Variants in PITPNM2 observed in about 807,000 individuals in gnomAD.
PITPNM2 encodes the protein phosphatidylinositol transfer protein membrane associated 2.
Under a neutral mutation model 132.2 loss-of-function variants are expected in PITPNM2, and 35 were observed. That is an observed-to-expected ratio of 0.26 (90% CI 0.20 to 0.35). The LOEUF (loss-of-function observed/expected upper bound fraction) is 0.35. Among genes scored for constraint, PITPNM2 ranks in the 10% least tolerant of loss-of-function variants. PITPNM2 has a pLI of 1.00. For missense variants in PITPNM2, 1,332 were observed against 1,912.0 expected (o/e 0.70, Z 5.66); for synonymous variants, 738 against 799.2 (o/e 0.92, Z 1.29).
chr12:123,097,839 G>A lies in PITPNM2; in HGVS notation c.-96+12546C>T, dbSNP rs545095534. On this transcript the variant is annotated intron_variant, in intron 2 of 25. Transcript: ENST00000320201. The surrounding 1 kb of genome is among the most constrained non-coding windows in gnomAD (Gnocchi z 4.7). The stretch of plus-strand genomic sequence containing the variant: ...TCGCCCCTACATCTGCCACTTGGCA[G>A]TGGGTATGAGGAACAGCTGGACAGA... Among the ~76,000 whole-genome samples the A allele has an allele frequency of 1.1e-4, 16 of 152,380 alleles. No individual in the cohort carries two copies. In the South Asian group the frequency reaches 3.3e-3, roughly 32 times the overall value.
At chr12:123,096,668 C>T (rs1259553635) in intron 2 of PITPNM2, among the ~76,000 whole-genome samples, 1 of 152,186 alleles carries the variant, frequency 6.6e-6, no homozygotes, top group African/African-American at 2.4e-5. Context: ...CCCTGCACCA[C>T]TAGCCTAAAC....
At position 123,095,417 on chromosome 12, in the gene PITPNM2, C is replaced by G. The variant is rs1355829293; in HGVS notation, c.-96+14968G>C. Among the ~76,000 whole-genome samples, 1 of 152,128 alleles carries G rather than the reference C, an allele frequency of 6.6e-6. No homozygotes were observed. The highest frequency in any genetic ancestry group is 1.5e-5 in the Non-Finnish European group (1 of 68,024). ...TCTTGGGCGTGCACCCACATGTGTA[C>G]ATCTCGATTTTACAGGCTCTGTTAA... On this transcript the variant is annotated intron_variant, in intron 2 of 25. Transcript: ENST00000320201. The surrounding 1 kb of genome is among the most constrained non-coding windows in gnomAD (Gnocchi z 5.0).
chr12:123,060,770 C>T (rs1235772310), intron 2 of PITPNM2, among the ~76,000 whole-genome samples: 1 of 152,128 alleles, frequency 6.6e-6, no homozygotes, highest in African/African-American at 2.4e-5. Context: ...GCACGGTCCT[C>T]CTTATAGGTC....
intron 3 of PITPNM2, among the ~76,000 whole-genome samples, chr12:123,018,242 T>A (rs926307508): frequency 4.6e-5 from 7 of 150,786 alleles, no homozygotes; most frequent in East Asian, 1.9e-4. Flanking sequence ...GTTAATTTTT[T>A]AAAATAATTT....
chr12:122,994,617 C>T lies in PITPNM2; in HGVS notation c.2233+184G>A, dbSNP rs762866157. Among the ~76,000 whole-genome samples, 9 of 152,164 alleles carry T rather than the reference C, an allele frequency of 5.9e-5. No homozygotes were observed. The highest frequency in any genetic ancestry group is 1.2e-4 in the Non-Finnish European group (8 of 68,004). On this transcript the variant is annotated intron_variant, in intron 15 of 25. Transcript: ENST00000320201. This position sits in a 1 kb window ranked among gnomAD's most constrained non-coding sequence, Gnocchi z 5.4. ...GAAATGAAACAGCAGGTGTCACGGA[C>T]GGCCAGTGACTGAGCTGCTGAAGCA...
At chr12:123,011,546 G>A (rs36065196) in intron 5 of PITPNM2, among the ~76,000 whole-genome samples, 1 of 152,224 alleles carries the variant, frequency 6.6e-6, no homozygotes, top group African/African-American at 2.4e-5. Context: ...CAGTGCCTCA[G>A]AATGTGATCT....
At chr12:123,021,909 T>G in intron 3 of PITPNM2, 1 of 159,906 alleles carries the variant, frequency 6.3e-6, no homozygotes, top group Non-Finnish European at 1.3e-5. Flanking sequence ...GATGCGAGCA[T>G]GTGTAGCTGA....
At position 122,986,370 on chromosome 12, in the gene PITPNM2, G is replaced by C. The variant is rs200550089; in HGVS notation, c.3727-20C>G. 1 of 1,574,580 alleles carries C rather than the reference G, an allele frequency of 6.4e-7. No individual in the cohort carries two copies. Among genetic ancestry groups the C allele is most frequent in the South Asian group, 1.2e-5 (1 of 85,670 alleles). ...GATGAACTGCGGGGTCAGTGAGGAC[G>C]GCTGTCACAGGCTGGGGCTCCCCGA... On this transcript the variant is annotated intron_variant, in intron 25 of 25. Transcript: ENST00000320201.
At chr12:122,996,697 C>T (rs750391274) in intron 12 of PITPNM2, 24 bp downstream of exon 12, 1 of 1,610,780 alleles carries the variant, frequency 6.2e-7, no homozygotes, top group Non-Finnish European at 8.5e-7. Flanking sequence ...TCCTCCTCCC[C>T]TCCCCAACTT....
chr12:123,040,153 TAA>T (rs918581860), intron 2 of PITPNM2, among the ~76,000 whole-genome samples: 1 of 151,684 alleles, frequency 6.6e-6, no homozygotes, highest in Admixed American at 6.6e-5. Context: ...AGTTTATTAT[TAA>T]AAAAAAATTA....
chr12:122,997,592 G>T lies in PITPNM2; in HGVS notation c.1225-20C>A. On this transcript the variant is annotated intron_variant, in intron 10 of 25. Coordinates refer to ENST00000320201, the MANE Select transcript of PITPNM2 (RefSeq NM_020845.3). ...CTCGTCCTGCATGGGTTGGGGGACA[G>T]TGTCAGCTCCCCAGGGAACCCAGCT... The T allele has an allele frequency of 6.3e-7, 1 of 1,599,666 alleles. No homozygotes were observed.
At chr12:123,093,485 C>T (rs1270457585) in intron 2 of PITPNM2, among the ~76,000 whole-genome samples, 1 of 138,222 alleles carries the variant, frequency 7.2e-6, no homozygotes, top group African/African-American at 3.5e-5. Context: ...CACACACACG[C>T]GCACACACAC....
chr12:123,028,192 A>C (rs2039935276), intron 3 of PITPNM2, among the ~76,000 whole-genome samples: 1 of 152,188 alleles, frequency 6.6e-6, no homozygotes, highest in Non-Finnish European at 1.5e-5. Flanking sequence ...ACATTCGCTG[A>C]ACACCTCGGA....
intron 5 of PITPNM2, among the ~76,000 whole-genome samples, 154 bp downstream of exon 5, chr12:123,012,459 A>G (rs1259239073): frequency 6.6e-6 from 1 of 151,940 alleles, no homozygotes; most frequent in Non-Finnish European, 1.5e-5. Context: ...TGCCTCCCCC[A>G]TGGGCCCCAT....
intron 20 of PITPNM2, 61 bp downstream of exon 20, chr12:122,988,173 G>A: frequency 1.4e-6 from 2 of 1,412,612 alleles, no homozygotes; most frequent in East Asian, 2.3e-5. Context: ...TTCCTCATCT[G>A]GACACGGAGG....
At chr12:123,137,295 G>A (rs2043402616) in intron 1 of PITPNM2, among the ~76,000 whole-genome samples, 1 of 152,112 alleles carries the variant, frequency 6.6e-6, no homozygotes, top group South Asian at 2.1e-4. Flanking sequence ...ACCTTTTCCT[G>A]GAGCTGGCCC....
At chr12:123,085,447 T>C (rs1336579056) in intron 2 of PITPNM2, among the ~76,000 whole-genome samples, 1 of 152,076 alleles carries the variant, frequency 6.6e-6, no homozygotes, top group Admixed American at 6.5e-5. Context: ...TCTGTTCCTA[T>C]GAAACATCTA....
At chr12:123,012,581 C>T in intron 5 of PITPNM2, 32 bp downstream of exon 5, 8 of 1,612,788 alleles carry the variant, frequency 5.0e-6, no homozygotes, top group Non-Finnish European at 6.8e-6. Flanking sequence ...ACCCAGAGTA[C>T]AGCCCTGTGG....
rs1189486776 is a variant in PITPNM2, at chr12:122,986,077, G to A, written c.4000C>T (p.Arg1334Cys). 13 of 1,433,716 alleles carry A rather than the reference G, an allele frequency of 9.1e-6. No homozygotes were observed. The highest frequency in any genetic ancestry group is 7.3e-5 in the South Asian group (5 of 68,850). The allele number at this position is 1,433,716 out of a possible 1,614,324, so 88.8% of individuals were successfully genotyped here. A position where few individuals can be genotyped will look rare whatever the true frequency, so the allele number is the denominator to read the frequency against. The change falls in exon 26 of 26, where the codon CGC becomes TGC. Residue 1334 changes from arginine (R) to cysteine (C), a missense_variant. By Grantham distance (180) the Arg-to-Cys change is radical. This residue lies in a region of PITPNM2 where 163 missense variants were observed against 177.2 expected (regional missense o/e 0.92). Coordinates refer to ENST00000320201, the MANE Select transcript of PITPNM2 (RefSeq NM_020845.3). ...GGCTCCAGGCGGCCAGTCATGGCGC[G>A]GCCCCAGCAGCCGGCCGCCACACTC... ...SMSVAAGCWG[R>C]AMTGRLEPGA...
Sources: gnomAD v4.1 joint callset for allele counts (sites outside exome capture counted in the v4.1 genomes callset) on GRCh38, gnomAD v4.1.1 for gene constraint, gnomAD v4.1.1 regional missense constraint, Gnocchi (gnomAD v3.1) non-coding constraint, MANE v1.5 for transcripts, NCBI Gene and HGNC (gene_info 2026-07-23, HGNC 2026-07-21) for gene names.